PPFIA2: variants seen among roughly 807,000 people sequenced by gnomAD.
PPFIA2 encodes the protein PPFI scaffold protein A2.
In PPFIA2, 46 loss-of-function variants were observed where a neutral mutation model predicts 175.5. That is an observed-to-expected ratio of 0.26 (90% confidence interval 0.21 to 0.34). The LOEUF (loss-of-function observed/expected upper bound fraction) is 0.34. Ranked by LOEUF, PPFIA2 falls within the 10% of genes least tolerant of loss-of-function variation. The pLI is 1.00. For missense variants in PPFIA2, 1,179 were observed against 1,506.1 expected (o/e 0.78, Z 3.60); for synonymous variants, 568 against 511.4 (o/e 1.11, Z -1.49).
intron 4 of PPFIA2, among the ~76,000 whole-genome samples, chr12:81,484,621 T>C (rs10862315): frequency 0.076 from 11,554 of 152,000 alleles, 572 homozygotes; most frequent in East Asian, 0.2. Context: ...GGAAATGAAT[T>C]ACCATTAATA....
intron 4 of PPFIA2, among the ~76,000 whole-genome samples, chr12:81,484,106 A>G (rs2058557262): frequency 6.6e-6 from 1 of 152,068 alleles, no homozygotes; most frequent in Non-Finnish European, 1.5e-5. Context: ...TTCCTTATTA[A>G]TAATTCTACA....
intron 11 of PPFIA2, among the ~76,000 whole-genome samples, chr12:81,372,951 T>C (rs1025286161): frequency 7.3e-5 from 11 of 151,678 alleles, no homozygotes; most frequent in Non-Finnish European, 1.6e-4. Flanking sequence ...GATATATATA[T>C]ATCAACTTAA....
At chr12:81,275,945 C>A (rs1279417798) in intron 28 of PPFIA2, among the ~76,000 whole-genome samples, 1 of 151,650 alleles carries the variant, frequency 6.6e-6, no homozygotes, top group African/African-American at 2.4e-5. Context: ...CCACCACGCC[C>A]GGCTAATTTT....
At chr12:81,633,457 C>A (rs1445344288) in intron 4 of PPFIA2, among the ~76,000 whole-genome samples, 1 of 151,860 alleles carries the variant, frequency 6.6e-6, no homozygotes, top group African/African-American at 2.4e-5. Context: ...GACATGCAGA[C>A]AATGTGATAC....
At chr12:81,368,605 C>T in intron 13 of PPFIA2, 120 bp downstream of exon 13, 1 of 1,027,138 alleles carries the variant, frequency 9.7e-7, no homozygotes. Context: ...AAGAATATAC[C>T]AGGCATTTTT....
chr12:81,754,072 C>T lies in PPFIA2; in HGVS notation c.150G>A (p.Arg50=). 1.2e-6 allele frequency: 2 copies of T among 1,613,750 alleles called. No homozygotes were observed. The highest frequency in any genetic ancestry group is 1.7e-6 in the Non-Finnish European group (2 of 1,179,840). Residue 50 remains arginine (R), a synonymous_variant, in exon 3 of 33, where the codon CGG becomes CGA. Coordinates refer to ENST00000549396, the MANE Select transcript of PPFIA2 (RefSeq NM_003625.5). ...CAAGTGAGAGGCTTTCCTGGGTCTC[C>T]CGAAGGGTGTCTAGAAGACGATCCC... is the stretch of plus-strand genomic sequence containing the variant. ...DERDRLLDTL[R]ETQESLSLAQ...
chr12:81,351,432 G>A (rs1465113409), intron 17 of PPFIA2, among the ~76,000 whole-genome samples: 8 of 152,006 alleles, frequency 5.3e-5, no homozygotes, highest in Non-Finnish European at 1.5e-5. Flanking sequence ...AGCCTGATTT[G>A]TTATAAACTT....
chr12:81,457,626 C>T (rs2053820148), intron 5 of PPFIA2, 139 bp downstream of exon 5: 2 of 506,468 alleles, frequency 3.9e-6, no homozygotes, highest in East Asian at 6.5e-5. Context: ...TCCTCCTTTA[C>T]TTTAAGTAAC....
At chr12:81,639,761 T>C (rs2064696336) in intron 4 of PPFIA2, among the ~76,000 whole-genome samples, 4 of 152,122 alleles carry the variant, frequency 2.6e-5, no homozygotes, top group Admixed American at 2.6e-4. Flanking sequence ...AAAATAACGA[T>C]ATAATATTTC....
At chr12:81,712,015 G>A (rs1050327868) in intron 3 of PPFIA2, among the ~76,000 whole-genome samples, 3 of 150,898 alleles carry the variant, frequency 2.0e-5, no homozygotes, top group Non-Finnish European at 4.4e-5. Context: ...GATTATATTA[G>A]AATATTTTAC....
intron 22 of PPFIA2, among the ~76,000 whole-genome samples, chr12:81,315,788 G>A (rs1422829528): frequency 6.6e-6 from 1 of 151,660 alleles, no homozygotes; most frequent in African/African-American, 2.4e-5. Context: ...AAAGACAGAT[G>A]ATGGGGCCTT....
At chr12:81,315,168 A>G (rs1362165529) in intron 22 of PPFIA2, among the ~76,000 whole-genome samples, 3 of 151,958 alleles carry the variant, frequency 2.0e-5, no homozygotes, top group African/African-American at 7.2e-5. Context: ...AGGAGAGTGG[A>G]GGTTTCTAAC....
chr12:81,618,280 T>G (rs1385684200), intron 4 of PPFIA2, among the ~76,000 whole-genome samples: 1 of 150,260 alleles, frequency 6.7e-6, no homozygotes, highest in African/African-American at 2.4e-5. Context: ...TGTGTGTGTG[T>G]GTATTCGATG....
In PPFIA2 at chr12:81,362,187, CT is replaced by C. The variant is rs575395578; in HGVS notation, c.1637+505del. Among the ~76,000 whole-genome samples the C allele has an allele frequency of 4.0e-3, 564 of 140,378 alleles. 2 individuals are homozygous for C. The highest frequency in any genetic ancestry group is 0.021 in the East Asian group (100 of 4,874). 92.1% of individuals were successfully genotyped at this position (140,378 alleles called of 152,430 possible). A position where few individuals can be genotyped will look rare whatever the true frequency, so the allele number is the denominator to read the frequency against. ...TTATCTGATTCATTTCTCTTTTCCT[CT>C]TTTTTTTTTTTGCAATTACTTTACC... is the stretch of plus-strand genomic sequence containing the variant. On this transcript the variant is annotated intron_variant, in intron 15 of 32. Coordinates refer to ENST00000549396, the MANE Select transcript of PPFIA2 (RefSeq NM_003625.5).
In PPFIA2 at chr12:81,670,466, C is replaced by T. The variant is rs116303756; in HGVS notation, c.303+6325G>A. On this transcript the variant is annotated intron_variant, in intron 4 of 32. Transcript: ENST00000549396. ...ACCACAATCTGGAATTTACTAGTAC[C>T]TGGAAATATTTTGGTTCTGAAATGC... is the stretch of plus-strand genomic sequence containing the variant. Among the ~76,000 whole-genome samples the T allele has an allele frequency of 5.2e-3, 783 of 151,954 alleles. 8 individuals are homozygous for T. Among genetic ancestry groups the T allele is most frequent in the African/African-American group, 0.018 (735 of 41,492 alleles).
intron 4 of PPFIA2, among the ~76,000 whole-genome samples, chr12:81,509,097 G>GC (rs1276523233): frequency 2.0e-5 from 3 of 152,088 alleles, no homozygotes; most frequent in South Asian, 2.1e-4. Flanking sequence ...GTAAACTATC[G>GC]CAAGAGTTTA....
intron 4 of PPFIA2, among the ~76,000 whole-genome samples, chr12:81,596,990 A>G (rs537851441): frequency 4.5e-4 from 68 of 152,240 alleles, no homozygotes; most frequent in African/African-American, 1.6e-3. Flanking sequence ...GCATTTATTT[A>G]GAGATCCCTT....
chr12:81,524,375 G>T (rs1379582790), intron 4 of PPFIA2, among the ~76,000 whole-genome samples: 2 of 152,204 alleles, frequency 1.3e-5, no homozygotes, highest in Non-Finnish European at 2.9e-5. Context: ...TGTCCACAAG[G>T]AGACCTCTGC....
intron 4 of PPFIA2, among the ~76,000 whole-genome samples, chr12:81,594,421 C>G (rs1443721810): frequency 6.6e-6 from 1 of 152,076 alleles, no homozygotes; most frequent in Non-Finnish European, 1.5e-5. Context: ...ATATCTTAAA[C>G]AGAAATAATT....
Sources: allele counts gnomAD v4.1 joint callset (sites outside exome capture counted in the v4.1 genomes callset), GRCh38; gene constraint gnomAD v4.1.1; transcripts MANE v1.5; gene names NCBI Gene and HGNC (gene_info 2026-07-23, HGNC 2026-07-21).